The following RAD54B variants were observed in gnomAD, a reference collection of about 807,000 sequenced individuals.
RAD54B encodes DNA repair and recombination protein RAD54B.
Under a neutral mutation model 95.8 loss-of-function variants are expected in RAD54B, and 78 were observed. The ratio of observed to expected loss-of-function variants is 0.81; its 90% confidence interval spans 0.68 to 0.98. The LOEUF (loss-of-function observed/expected upper bound fraction) is 0.98, where lower values mean the gene tolerates loss of function less well. Among genes scored for constraint, RAD54B ranks in the 50% least tolerant of loss-of-function variants. RAD54B has a pLI of 0.00. For synonymous variants in RAD54B, 328 were observed against 354.9 expected, an observed-to-expected ratio of 0.92 and a Z score of 0.85; for missense variants, 957 against 1,056.6, an observed-to-expected ratio of 0.91 and a Z score of 1.31.
intron 10 of RAD54B, 146 bp from the exon 11 acceptor site, chr8:94,387,305 A>G: frequency 3.2e-6 from 2 of 623,090 alleles, no homozygotes; most frequent in Non-Finnish European, 5.2e-6. Flanking sequence ...TTTATAGGTC[A>G]TGATTTGATC....
chr8:94,411,417 T>C (rs1404173993), intron 3 of RAD54B, 102 bp from the exon 4 acceptor site: 6 of 854,616 alleles, frequency 7.0e-6, no homozygotes, highest in Admixed American at 3.6e-5. Context: ...TTAGATTATA[T>C]TAAGAAATAG....
chr8:94,472,007 C>A (rs1354313940), intron 1 of RAD54B, among the ~76,000 whole-genome samples: 1 of 151,960 alleles, frequency 6.6e-6, no homozygotes, highest in East Asian at 1.9e-4. Flanking sequence ...TTAGACATTT[C>A]CCAATTTCAT....
At chr8:94,408,403 T>TCCATGCTTGTCTATTAAATGCATTA (rs1175684446) in intron 4 of RAD54B, among the ~76,000 whole-genome samples, 12 of 152,166 alleles carry the variant, frequency 7.9e-5, no homozygotes, top group Admixed American at 7.9e-4. Context: ...ATTTTAGACT[T>TCCATGCTTGTCTATTAAATGCATTA]CCATGCTTGT....
At chr8:94,391,952 A>G in intron 9 of RAD54B, 53 bp from the exon 10 acceptor site, 1 of 1,407,968 alleles carries the variant, frequency 7.1e-7, no homozygotes, top group Middle Eastern at 2.2e-4. Context: ...AAATACACTT[A>G]AAATGAACAT....
intron 1 of RAD54B, among the ~76,000 whole-genome samples, chr8:94,470,432 T>A (rs1467213383): frequency 2.0e-5 from 3 of 152,016 alleles, no homozygotes; most frequent in East Asian, 3.9e-4. Context: ...CCTGTGTCTA[T>A]TAAAAATACA....
intron 3 of RAD54B, among the ~76,000 whole-genome samples, chr8:94,456,478 A>G (rs1432891635): frequency 2.0e-5 from 3 of 152,212 alleles, no homozygotes; most frequent in Non-Finnish European, 2.9e-5. Context: ...GTAAAGTGGC[A>G]TGATATATGC....
intron 3 of RAD54B, among the ~76,000 whole-genome samples, chr8:94,452,231 G>A (rs1309220135): frequency 6.6e-6 from 1 of 152,192 alleles, no homozygotes; most frequent in Admixed American, 6.5e-5. Context: ...TCACATTAGT[G>A]CTTAGGTTTC....
chr8:94,464,512 T>C (rs1225193769), intron 2 of RAD54B, among the ~76,000 whole-genome samples: 2 of 152,210 alleles, frequency 1.3e-5, no homozygotes, highest in Admixed American at 1.3e-4. Context: ...ATTAGATTTG[T>C]GGTAATTTGT....
intron 9 of RAD54B, among the ~76,000 whole-genome samples, chr8:94,392,596 T>C (rs115558202): frequency 2.7e-3 from 407 of 151,376 alleles, no homozygotes; most frequent in African/African-American, 9.4e-3. Flanking sequence ...GCTAAGTTTT[T>C]ATTTCGTTTT....
intron 3 of RAD54B, among the ~76,000 whole-genome samples, chr8:94,414,899 C>A (rs1336952792): frequency 6.6e-6 from 1 of 152,200 alleles, no homozygotes; most frequent in Non-Finnish European, 1.5e-5. Context: ...ATTCCATGCT[C>A]ATGGGTAGGA....
At chr8:94,451,208 T>C (rs942563309) in intron 3 of RAD54B, among the ~76,000 whole-genome samples, 2 of 152,094 alleles carry the variant, frequency 1.3e-5, no homozygotes, top group African/African-American at 4.8e-5. Context: ...GATCTTATTG[T>C]GCCGGAAGCA....
Position 94,400,480 on chromosome 8 carries a change from T to C in RAD54B, c.945-17A>G. 6.3e-7 allele frequency: 1 copy of C among 1,577,004 alleles called. No individual in the cohort carries two copies. The highest frequency in any genetic ancestry group is 8.6e-7 in the Non-Finnish European group (1 of 1,156,560). On this transcript the variant is annotated splice_polypyrimidine_tract_variant and intron_variant, in intron 6 of 14. Coordinates refer to ENST00000336148, the MANE Select transcript of RAD54B (RefSeq NM_012415.3). ...CCATTCATTCTGTTAGAAATAATTT[T>C]ACTTCCTTTAATCACAATAGAAAAA...
chr8:94,428,644 T>G (rs985207755), intron 3 of RAD54B: 2 of 713,688 alleles, frequency 2.8e-6, no homozygotes, highest in Non-Finnish European at 3.4e-6. Context: ...TTTTTATTGT[T>G]GTACTGTTAT....
chr8:94,380,638 AG>A (rs989097878), intron 11 of RAD54B, among the ~76,000 whole-genome samples: 1 of 152,236 alleles, frequency 6.6e-6, no homozygotes, highest in Non-Finnish European at 1.5e-5. Context: ...CATCTCTCTG[AG>A]GTTCACTCTA....
intron 1 of RAD54B, among the ~76,000 whole-genome samples, chr8:94,474,232 G>T (rs752850937): frequency 4.6e-5 from 7 of 152,164 alleles, no homozygotes; most frequent in Non-Finnish European, 8.8e-5. Context: ...AGGAAAGGAG[G>T]AGCAAGGGTT....
intron 14 of RAD54B, among the ~76,000 whole-genome samples, 190 bp downstream of exon 14, chr8:94,377,990 A>G (rs1001197287): frequency 6.6e-6 from 1 of 151,640 alleles, no homozygotes; most frequent in Non-Finnish European, 1.5e-5. Flanking sequence ...AAAAAAAAAA[A>G]AAAAAAAAAG....
intron 3 of RAD54B, among the ~76,000 whole-genome samples, chr8:94,446,646 G>C (rs1266638576): frequency 6.6e-6 from 1 of 152,164 alleles, no homozygotes; most frequent in East Asian, 1.9e-4. Flanking sequence ...TTTCCCACTG[G>C]TCAAAGTCCA....
At chr8:94,429,564 G>C (rs748766509) in intron 3 of RAD54B, 26 of 982,372 alleles carry the variant, frequency 2.6e-5, no homozygotes, top group Non-Finnish European at 3.1e-5. Flanking sequence ...TCATATATGT[G>C]CTTTCAATAA....
At chr8:94,396,427 T>A (rs2129998276) in intron 8 of RAD54B, among the ~76,000 whole-genome samples, 1 of 152,158 alleles carries the variant, frequency 6.6e-6, no homozygotes, top group South Asian at 2.1e-4. Context: ...TGGTTTGTTT[T>A]TTTAAAAAAG....
Sources: gnomAD v4.1 joint callset for allele counts (sites outside exome capture counted in the v4.1 genomes callset) on GRCh38, gnomAD v4.1.1 for gene constraint, MANE v1.5 for transcripts, NCBI Gene and HGNC (gene_info 2026-07-23, HGNC 2026-07-21) for gene names.